MDGA2: variants seen among roughly 807,000 people sequenced by gnomAD.
MDGA2 encodes MAM domain containing glycosylphosphatidylinositol anchor 2.
A neutral mutation model predicts 117.8 loss-of-function variants in MDGA2; 40 were observed. The ratio of observed to expected loss-of-function variants is 0.34; its 90% confidence interval spans 0.26 to 0.44. MDGA2 has a LOEUF of 0.44. Ranked by LOEUF, MDGA2 falls within the 20% of genes least tolerant of loss-of-function variation. The pLI, the probability that MDGA2 is intolerant of heterozygous loss-of-function variation, is 1.00. For synonymous variants in MDGA2, 452 were observed against 439.0 expected (o/e 1.03, Z -0.37); for missense variants, 1,123 against 1,250.6 (o/e 0.90, Z 1.54).
intron 3 of MDGA2, among the ~76,000 whole-genome samples, chr14:47,183,893 T>G (rs985590211): frequency 1.3e-5 from 2 of 151,966 alleles, no homozygotes; most frequent in South Asian, 4.1e-4. Context: ...CATAGAAATC[T>G]CCACCTCCCT....
chr14:46,964,932 T>TAG (rs1400001068), intron 8 of MDGA2, among the ~76,000 whole-genome samples: 2 of 109,478 alleles, frequency 1.8e-5, no homozygotes, highest in Admixed American at 1.1e-4. Flanking sequence ...TTTTTTTTTT[T>TAG]TTTTTTTTTG....
intron 2 of MDGA2, among the ~76,000 whole-genome samples, chr14:47,227,936 C>T (rs1419320480): frequency 1.3e-5 from 2 of 152,182 alleles, no homozygotes; most frequent in East Asian, 1.9e-4. Context: ...GTAGTTCAGG[C>T]CTTTCCCTTG....
chr14:47,613,389 G>C (rs1896887420), intron 1 of MDGA2, among the ~76,000 whole-genome samples: 1 of 151,960 alleles, frequency 6.6e-6, no homozygotes, highest in Non-Finnish European at 1.5e-5. Context: ...ACATTTACCA[G>C]AAGAGGGGAA....
intron 1 of MDGA2, among the ~76,000 whole-genome samples, chr14:47,612,698 A>G (rs1156275366): frequency 2.0e-5 from 3 of 152,114 alleles, no homozygotes; most frequent in Admixed American, 6.5e-5. Context: ...AGCTATCTAT[A>G]CTTTGTTTTT....
chr14:47,171,692 C>T (rs151024241), intron 3 of MDGA2, among the ~76,000 whole-genome samples: 11 of 152,302 alleles, frequency 7.2e-5, no homozygotes, highest in Admixed American at 1.3e-4. Context: ...GGAACAGCTC[C>T]GGTCTACAGC....
At chr14:47,081,467 A>G (rs568161410) in intron 6 of MDGA2, among the ~76,000 whole-genome samples, 43 of 152,190 alleles carry the variant, frequency 2.8e-4, no homozygotes, top group Non-Finnish European at 5.1e-4. Context: ...TTCTAAACAT[A>G]TAACATCTGT....
chr14:47,388,229 ATAACG>A (rs1306794367), intron 1 of MDGA2, among the ~76,000 whole-genome samples: 2 of 152,202 alleles, frequency 1.3e-5, no homozygotes, highest in Non-Finnish European at 2.9e-5. Flanking sequence ...ACAGTAAGAA[ATAACG>A]GTATAAGTGA....
At chr14:46,870,160 C>T (rs768827391) in intron 14 of MDGA2, among the ~76,000 whole-genome samples, 27 of 151,860 alleles carry the variant, frequency 1.8e-4, no homozygotes, top group African/African-American at 5.6e-4. Context: ...AGTAATGCAA[C>T]ATATTTAACT....
intron 6 of MDGA2, among the ~76,000 whole-genome samples, chr14:47,096,403 G>A (rs1264355235): frequency 6.6e-6 from 1 of 151,766 alleles, no homozygotes; most frequent in Non-Finnish European, 1.5e-5. Flanking sequence ...CTGAGTACAG[G>A]GTAATGTTTG....
At chr14:47,629,240 T>A (rs1025729969) in intron 1 of MDGA2, among the ~76,000 whole-genome samples, 1 of 152,226 alleles carries the variant, frequency 6.6e-6, no homozygotes, top group Non-Finnish European at 1.5e-5. Context: ...ATTAAATAAG[T>A]TACTAGAAGG....
chr14:47,282,646 G>A (rs1205253399), intron 2 of MDGA2, among the ~76,000 whole-genome samples: 4 of 151,276 alleles, frequency 2.6e-5, no homozygotes, highest in African/African-American at 4.9e-5. Context: ...TCAGTGAGCC[G>A]AGATAGGGCC....
intron 8 of MDGA2, among the ~76,000 whole-genome samples, chr14:47,007,406 G>A (rs965291502): frequency 6.6e-6 from 1 of 151,698 alleles, no homozygotes; most frequent in African/African-American, 2.4e-5. Flanking sequence ...TTGCTGTAGG[G>A]TTTCATGCAT....
intron 1 of MDGA2, among the ~76,000 whole-genome samples, chr14:47,334,596 T>G (rs1410372881): frequency 1.3e-5 from 2 of 151,952 alleles, no homozygotes; most frequent in East Asian, 3.9e-4. Flanking sequence ...TTTAAATATA[T>G]TGCTCTTAAT....
intron 1 of MDGA2, among the ~76,000 whole-genome samples, chr14:47,595,560 A>G (rs867519913): frequency 6.7e-6 from 1 of 150,238 alleles, no homozygotes; most frequent in Non-Finnish European, 1.5e-5. Context: ...AAAAAAACAA[A>G]AAAAAAAAAA....
intron 2 of MDGA2, among the ~76,000 whole-genome samples, chr14:47,249,601 C>T (rs138371426): frequency 1.7e-3 from 263 of 152,324 alleles, no homozygotes; most frequent in Middle Eastern, 0.01. Context: ...GCTGGGATTA[C>T]AGGCATGAAC....
At chr14:47,350,986 A>T (rs1890865555) in intron 1 of MDGA2, among the ~76,000 whole-genome samples, 1 of 152,032 alleles carries the variant, frequency 6.6e-6, no homozygotes, top group Non-Finnish European at 1.5e-5. Context: ...ATCTCGGCTC[A>T]CTGCAACCTC....
At chr14:47,408,401 T>C (rs1002295250) in intron 1 of MDGA2, among the ~76,000 whole-genome samples, 16 of 152,146 alleles carry the variant, frequency 1.1e-4, no homozygotes, top group Admixed American at 9.8e-4. Context: ...CATATGATCT[T>C]TTAAAAGTAG....
At chr14:46,879,699 T>C (rs563066886) in intron 11 of MDGA2, among the ~76,000 whole-genome samples, 1 of 152,192 alleles carries the variant, frequency 6.6e-6, no homozygotes, top group Admixed American at 6.5e-5. Context: ...TCTAATGGAG[T>C]GGTGAACCCT....
At chr14:47,628,150 C>T (rs909617370) in intron 1 of MDGA2, among the ~76,000 whole-genome samples, 13 of 152,158 alleles carry the variant, frequency 8.5e-5, no homozygotes, top group African/African-American at 2.9e-4. Flanking sequence ...TCTCTTCTTC[C>T]CCACTCTTGC....
Sources: allele counts gnomAD v4.1 joint callset (sites outside exome capture counted in the v4.1 genomes callset), GRCh38; gene constraint gnomAD v4.1.1; transcripts MANE v1.5; gene names NCBI Gene and HGNC (gene_info 2026-07-23, HGNC 2026-07-21).